The following PPP4R4 variants were observed in gnomAD, a reference collection of about 807,000 sequenced individuals.
The protein encoded by PPP4R4 is protein phosphatase 4 regulatory subunit 4, also known as serine/threonine-protein phosphatase 4 regulatory subunit 4.
In PPP4R4, 70 loss-of-function variants were observed where a neutral mutation model predicts 121.8. That is an observed-to-expected ratio of 0.57 (90% CI 0.47 to 0.70). The LOEUF is 0.70. Ranked by LOEUF, PPP4R4 falls within the 30% of genes least tolerant of loss-of-function variation. The pLI is 0.00. For missense variants in PPP4R4, 875 were observed against 1,033.6 expected (o/e 0.85, Z 2.10); for synonymous variants, 348 against 355.7 (o/e 0.98, Z 0.24).
At chr14:94,182,507 A>G (rs1889047835) in intron 2 of PPP4R4, among the ~76,000 whole-genome samples, 1 of 152,154 alleles carries the variant, frequency 6.6e-6, no homozygotes, top group African/African-American at 2.4e-5. Context: ...TTTGCACTTT[A>G]TATAGTAGGA....
intron 23 of PPP4R4, among the ~76,000 whole-genome samples, chr14:94,269,803 C>G (rs1389893030): frequency 6.6e-6 from 1 of 152,176 alleles, no homozygotes; most frequent in Non-Finnish European, 1.5e-5. Flanking sequence ...TGCCTGTCTT[C>G]AGTTATACTA....
intron 23 of PPP4R4, among the ~76,000 whole-genome samples, chr14:94,267,889 G>A (rs1894125023): frequency 6.6e-6 from 1 of 152,116 alleles, no homozygotes; most frequent in Non-Finnish European, 1.5e-5. Flanking sequence ...TAGGAGGAAT[G>A]TATATACTCA....
chr14:94,185,811 C>T (rs1255341259), intron 2 of PPP4R4, among the ~76,000 whole-genome samples: 1 of 152,160 alleles, frequency 6.6e-6, no homozygotes, highest in African/African-American at 2.4e-5. Context: ...TGGAAAATAA[C>T]TTTATTGAAG....
intron 3 of PPP4R4, among the ~76,000 whole-genome samples, chr14:94,229,757 G>A (rs1221381690): frequency 1.3e-5 from 2 of 152,046 alleles, no homozygotes; most frequent in Non-Finnish European, 2.9e-5. Flanking sequence ...TTATAAAATA[G>A]GCATATAAGG....
chr14:94,214,842 C>T (rs1196525363), intron 3 of PPP4R4, among the ~76,000 whole-genome samples: 1 of 152,132 alleles, frequency 6.6e-6, no homozygotes. Flanking sequence ...GAAAATTCCC[C>T]ATCTGACCTC....
intron 11 of PPP4R4, 111 bp downstream of exon 11, chr14:94,242,519 G>A: frequency 9.4e-7 from 1 of 1,058,758 alleles, no homozygotes; most frequent in South Asian, 2.1e-5. Flanking sequence ...TCTCTTTCAT[G>A]TTCTAGTCTT....
chr14:94,213,150 T>G (rs866094762), intron 3 of PPP4R4, among the ~76,000 whole-genome samples: 11 of 152,338 alleles, frequency 7.2e-5, no homozygotes, highest in Non-Finnish European at 1.3e-4. Context: ...TTAAGTAACT[T>G]GCTCAACGTC....
At chr14:94,249,656 G>A (rs1893077830) in intron 14 of PPP4R4, among the ~76,000 whole-genome samples, 1 of 152,040 alleles carries the variant, frequency 6.6e-6, no homozygotes, top group Non-Finnish European at 1.5e-5. Flanking sequence ...TGAAATACTG[G>A]TAAGAATGAT....
At chr14:94,202,059 A>T (rs1890219036) in intron 2 of PPP4R4, among the ~76,000 whole-genome samples, 2 of 152,104 alleles carry the variant, frequency 1.3e-5, no homozygotes, top group Admixed American at 1.3e-4. Flanking sequence ...AGGAATGGAA[A>T]AGCAAACATC....
At chr14:94,187,191 A>G (rs1159495704) in intron 2 of PPP4R4, among the ~76,000 whole-genome samples, 1 of 152,082 alleles carries the variant, frequency 6.6e-6, no homozygotes, top group Non-Finnish European at 1.5e-5. Context: ...GGGCACCTGT[A>G]ATCCCAGCTA....
intron 12 of PPP4R4, among the ~76,000 whole-genome samples, 182 bp downstream of exon 12, chr14:94,244,894 G>A (rs141468990): frequency 2.6e-5 from 4 of 152,040 alleles, no homozygotes; most frequent in Admixed American, 1.3e-4. Flanking sequence ...AAAAAATAAG[G>A]TTTTAAAATA....
chr14:94,253,402 G>T (rs1204015041), intron 16 of PPP4R4, among the ~76,000 whole-genome samples: 1 of 152,070 alleles, frequency 6.6e-6, no homozygotes, highest in Non-Finnish European at 1.5e-5. Context: ...GGAGGTTGCA[G>T]TGAACCGAGA....
Position 94,174,641 on chromosome 14 carries a change from C to A in PPP4R4, c.117+59C>A, listed in dbSNP as rs1888560852. ...GTCCGGCCGCCTGCCCCGCGCGGTC[C>A]CGCGCTGATCTCTGCCCCACGCCAC... On this transcript the variant is annotated intron_variant, in intron 1 of 24. Transcript: ENST00000304338. The A allele has an allele frequency of 2.5e-6, 4 of 1,588,470 alleles. No homozygotes were observed. In the Admixed American group the frequency reaches 6.9e-5, roughly 28 times the overall value.
At chr14:94,265,568 A>T (rs1894003988) in intron 21 of PPP4R4, 95 bp downstream of exon 21, 3 of 1,093,096 alleles carry the variant, frequency 2.7e-6, no homozygotes, top group Admixed American at 3.9e-5. Flanking sequence ...ATACAGTAGG[A>T]TAATATATCT....
rs996647990 is a variant in PPP4R4, at chr14:94,278,845, T to G, written c.*202T>G. The G allele has an allele frequency of 1.1e-5, 4 of 357,758 alleles. No homozygotes were observed. The highest frequency in any genetic ancestry group is 2.1e-5 in the African/African-American group (1 of 47,430). The allele number at this position is 357,758 out of a possible 1,614,324, so 22.2% of individuals were successfully genotyped here. On this transcript the variant is annotated 3_prime_UTR_variant, in exon 25 of 25. Transcript: ENST00000304338. ...AAATTAGATTCCCTAGGAGGTATAA[T>G]ATATATTTCTTGAGTAATAATGTGG... is the stretch of plus-strand genomic sequence containing the variant.
chr14:94,234,456 T>C (rs951085851), intron 6 of PPP4R4, 106 bp from the exon 7 acceptor site: 13 of 686,358 alleles, frequency 1.9e-5, no homozygotes, highest in Non-Finnish European at 2.9e-5. Context: ...TCTATTAAAG[T>C]ACATTTGTTA....
chr14:94,260,336 G>A (rs937627791), intron 19 of PPP4R4, among the ~76,000 whole-genome samples: 1 of 152,098 alleles, frequency 6.6e-6, no homozygotes, highest in African/African-American at 2.4e-5. Flanking sequence ...CGAGGCAAGA[G>A]AATGGCGTGA....
At chr14:94,188,391 GT>G (rs1248928988) in intron 2 of PPP4R4, among the ~76,000 whole-genome samples, 2 of 151,992 alleles carry the variant, frequency 1.3e-5, no homozygotes, top group Non-Finnish European at 2.9e-5. Context: ...TTAATCTTCA[GT>G]TTTCTTATAA....
intron 3 of PPP4R4, among the ~76,000 whole-genome samples, chr14:94,220,228 A>G (rs935892274): frequency 6.6e-6 from 1 of 152,154 alleles, no homozygotes; most frequent in Admixed American, 6.5e-5. Flanking sequence ...CTCATAAATA[A>G]ATAAATAAAT....
Sources: allele counts gnomAD v4.1 joint callset (sites outside exome capture counted in the v4.1 genomes callset), GRCh38; gene constraint gnomAD v4.1.1; transcripts MANE v1.5; gene names NCBI Gene and HGNC (gene_info 2026-07-23, HGNC 2026-07-21).